Variants in AGBL1 observed in about 807,000 individuals in gnomAD.
The protein encoded by AGBL1 is cytosolic carboxypeptidase 4.
In AGBL1, 130 loss-of-function variants were observed where a neutral mutation model predicts 118.9. That is an observed-to-expected ratio of 1.09 (90% CI 0.95 to 1.26). The LOEUF is 1.26. Among genes scored for constraint, AGBL1 ranks in the 50% most tolerant of loss-of-function variants. AGBL1 has a pLI of 0.00. For missense variants in AGBL1, 1,584 were observed against 1,298.1 expected, an observed-to-expected ratio of 1.22 and a Z score of -3.38; for synonymous variants, 555 against 478.9, an observed-to-expected ratio of 1.16 and a Z score of -2.08.
At chr15:86,667,707 T>C (rs2085671854) in intron 21 of AGBL1, among the ~76,000 whole-genome samples, 1 of 152,154 alleles carries the variant, frequency 6.6e-6, no homozygotes, top group Non-Finnish European at 1.5e-5. Context: ...TCCTTTTCCT[T>C]CTTCTTGGCT....
chr15:86,572,744 G>A (rs898691049), intron 21 of AGBL1, among the ~76,000 whole-genome samples: 1 of 152,230 alleles, frequency 6.6e-6, no homozygotes, highest in South Asian at 2.1e-4. Context: ...AGCTGCCACC[G>A]CCTGCGCTTC....
chr15:86,331,238 AAAAAC>A (rs2080263967), intron 17 of AGBL1, among the ~76,000 whole-genome samples: 1 of 151,750 alleles, frequency 6.6e-6, no homozygotes, highest in African/African-American at 2.4e-5. Context: ...AAAAAAAAAA[AAAAAC>A]AAAGTCTGAG....
chr15:87,002,975 C>T (rs1596728466), intron 24 of AGBL1, among the ~76,000 whole-genome samples: 1 of 152,152 alleles, frequency 6.6e-6, no homozygotes, highest in Non-Finnish European at 1.5e-5. Context: ...TTATTTCTTT[C>T]CCCTGACTGA....
At chr15:86,654,744 C>A (rs1434138901) in intron 21 of AGBL1, among the ~76,000 whole-genome samples, 1 of 152,080 alleles carries the variant, frequency 6.6e-6, no homozygotes, top group Non-Finnish European at 1.5e-5. Context: ...ACCTCCCAGT[C>A]CCCTTCATGG....
At chr15:86,899,396 G>A (rs1403109158) in intron 22 of AGBL1, among the ~76,000 whole-genome samples, 1 of 152,116 alleles carries the variant, frequency 6.6e-6, no homozygotes, top group Non-Finnish European at 1.5e-5. Flanking sequence ...GTAGAGGTGG[G>A]GAGGAGGGAG....
intron 22 of AGBL1, among the ~76,000 whole-genome samples, chr15:86,849,145 G>T (rs559274061): frequency 4.6e-5 from 7 of 152,270 alleles, no homozygotes; most frequent in Admixed American, 6.5e-5. Context: ...CTTATCCATC[G>T]CCAGTTCTGA....
intron 21 of AGBL1, chr15:86,630,787 G>A (rs2084950906): frequency 1.3e-5 from 2 of 152,218 alleles, no homozygotes; most frequent in African/African-American, 2.4e-5. Context: ...AGGTAAATTA[G>A]CAGGATTGCT....
intron 22 of AGBL1, among the ~76,000 whole-genome samples, chr15:86,736,977 A>C (rs1249498003): frequency 6.6e-6 from 1 of 152,188 alleles, no homozygotes; most frequent in Non-Finnish European, 1.5e-5. Context: ...CAAAGATCCT[A>C]GCTTGTAACA....
chr15:86,185,454 C>T (rs1273088627), intron 5 of AGBL1, among the ~76,000 whole-genome samples: 2 of 152,136 alleles, frequency 1.3e-5, no homozygotes, highest in African/African-American at 2.4e-5. Flanking sequence ...GACACATGCA[C>T]ACGTATGTTT....
chr15:86,398,399 A>G (rs2081398492), intron 18 of AGBL1, among the ~76,000 whole-genome samples: 1 of 152,192 alleles, frequency 6.6e-6, no homozygotes. Flanking sequence ...ATAGATGAAT[A>G]GGAATGGACA....
At chr15:86,561,086 TG>T (rs1442501281) in intron 21 of AGBL1, among the ~76,000 whole-genome samples, 2 of 152,248 alleles carry the variant, frequency 1.3e-5, no homozygotes. Flanking sequence ...TTCTGTAGGT[TG>T]CCTGTTCACT....
chr15:86,389,050 G>A (rs2081238706), intron 17 of AGBL1, among the ~76,000 whole-genome samples: 2 of 152,108 alleles, frequency 1.3e-5, no homozygotes, highest in South Asian at 2.1e-4. Context: ...AATTAGAAAT[G>A]TATCGGTAAT....
At chr15:86,306,955 G>T (rs2079851286) in intron 17 of AGBL1, among the ~76,000 whole-genome samples, 1 of 152,072 alleles carries the variant, frequency 6.6e-6, no homozygotes, top group South Asian at 2.1e-4. Flanking sequence ...TTTGCCATTT[G>T]TATGTCTTCT....
At chr15:86,464,269 T>C (rs1323859891) in intron 18 of AGBL1, among the ~76,000 whole-genome samples, 1 of 152,218 alleles carries the variant, frequency 6.6e-6, no homozygotes, top group Non-Finnish European at 1.5e-5. Flanking sequence ...GGAATGCTTG[T>C]GATTTTTGCA....
chr15:86,795,843 C>G (rs987223027), intron 22 of AGBL1, among the ~76,000 whole-genome samples: 1 of 151,510 alleles, frequency 6.6e-6, no homozygotes, highest in Non-Finnish European at 1.5e-5. Flanking sequence ...ACCCCAGCCC[C>G]GCAAAGTGCT....
intron 18 of AGBL1, among the ~76,000 whole-genome samples, chr15:86,508,883 A>G (rs1300962028): frequency 6.6e-6 from 1 of 152,152 alleles, no homozygotes; most frequent in African/African-American, 2.4e-5. Flanking sequence ...AAATGCAAAC[A>G]TTTGTTCATC....
chr15:86,957,991 C>T lies in AGBL1; in HGVS notation c.3222-29996C>T, dbSNP rs75517615. Among the ~76,000 whole-genome samples the T allele has an allele frequency of 4.4e-3, 670 of 151,894 alleles. 5 individuals are homozygous for T. The highest frequency in any genetic ancestry group is 0.015 in the African/African-American group (642 of 41,462). ...CCAAGGCAGAAGGATCACTAGTGGC[C>T]AGGAGTTCGAGACCAGCCTAAGCCT... is the stretch of plus-strand genomic sequence containing the variant. On this transcript the variant is annotated intron_variant, in intron 23 of 24. Transcript: ENST00000441037.
intron 21 of AGBL1, among the ~76,000 whole-genome samples, chr15:86,635,285 CT>C (rs2085059554): frequency 1.5e-5 from 1 of 68,910 alleles, no homozygotes; most frequent in Admixed American, 1.4e-4. Context: ...CCTCCTTCCC[CT>C]CCCCCTCCCC....
chr15:87,016,770 G>A (rs1404163433), intron 24 of AGBL1, among the ~76,000 whole-genome samples: 1 of 152,088 alleles, frequency 6.6e-6, no homozygotes, highest in African/African-American at 2.4e-5. Context: ...CAAGGGAAGT[G>A]GTGAGTGATT....
Sources: gnomAD v4.1 joint callset for allele counts (sites outside exome capture counted in the v4.1 genomes callset) on GRCh38, gnomAD v4.1.1 for gene constraint, MANE v1.5 for transcripts, NCBI Gene and HGNC (gene_info 2026-07-23, HGNC 2026-07-21) for gene names.